The following EDIL3 variants were observed in gnomAD, a reference collection of about 807,000 sequenced individuals.
EDIL3 encodes the protein EGF-like repeat and discoidin I-like domain-containing protein 3.
A neutral mutation model predicts 67.4 loss-of-function variants in EDIL3; 37 were observed. The observed-to-expected ratio is 0.55, with a 90% CI of 0.42 to 0.72. The LOEUF (loss-of-function observed/expected upper bound fraction) is 0.72. Ranked by LOEUF, EDIL3 falls within the 30% of genes least tolerant of loss-of-function variation. EDIL3 has a pLI of 0.00. For missense variants in EDIL3, 527 were observed against 586.3 expected, an observed-to-expected ratio of 0.90 and a Z score of 1.04; for synonymous variants, 195 against 196.3, an observed-to-expected ratio of 0.99 and a Z score of 0.05.
At chr5:83,963,981 T>C (rs1026423969) in intron 9 of EDIL3, among the ~76,000 whole-genome samples, 2 of 151,850 alleles carry the variant, frequency 1.3e-5, no homozygotes, top group Non-Finnish European at 2.9e-5. Context: ...GGAAGGCAAA[T>C]ATTCTTCAAA....
chr5:84,224,988 T>C (rs2112404167), intron 3 of EDIL3, among the ~76,000 whole-genome samples: 1 of 151,686 alleles, frequency 6.6e-6, no homozygotes, highest in South Asian at 2.1e-4. Context: ...GAAATTTCTC[T>C]ATAGTTCATT....
intron 9 of EDIL3, among the ~76,000 whole-genome samples, chr5:83,968,418 G>A (rs935564913): frequency 2.6e-5 from 4 of 151,854 alleles, no homozygotes; most frequent in African/African-American, 9.7e-5. Flanking sequence ...CTTTTTTCAT[G>A]TAATATATTA....
intron 9 of EDIL3, among the ~76,000 whole-genome samples, chr5:83,978,183 G>A (rs187008965): frequency 6.6e-6 from 1 of 151,966 alleles, no homozygotes; most frequent in East Asian, 1.9e-4. Context: ...ATTGTTATTG[G>A]AAATCTGTAA....
chr5:84,064,589 C>T, intron 8 of EDIL3, 111 bp downstream of exon 8: 1 of 1,377,534 alleles, frequency 7.3e-7, no homozygotes, highest in Non-Finnish European at 9.6e-7. Flanking sequence ...CATTTTTCCC[C>T]AGAAAAAAAT....
intron 3 of EDIL3, among the ~76,000 whole-genome samples, chr5:84,190,567 G>A (rs1743560133): frequency 1.6e-5 from 1 of 61,836 alleles, no homozygotes; most frequent in Non-Finnish European, 3.3e-5. Context: ...GTGTGTGTGT[G>A]TGTGTGTGTG....
At chr5:84,152,454 G>A (rs936082947) in intron 4 of EDIL3, among the ~76,000 whole-genome samples, 1 of 152,108 alleles carries the variant, frequency 6.6e-6, no homozygotes, top group Non-Finnish European at 1.5e-5. Context: ...TTAGATAAAT[G>A]GTCCTATTCT....
At chr5:84,206,722 G>T (rs947333273) in intron 3 of EDIL3, among the ~76,000 whole-genome samples, 1 of 151,906 alleles carries the variant, frequency 6.6e-6, no homozygotes, top group Non-Finnish European at 1.5e-5. Flanking sequence ...TTCATCCCTG[G>T]GATGCAAGAC....
chr5:84,078,615 G>C (rs1746906762), intron 6 of EDIL3: 1 of 152,134 alleles, frequency 6.6e-6, no homozygotes, highest in Non-Finnish European at 1.5e-5. Context: ...ATATTAAATG[G>C]CAAGATACCT....
chr5:83,946,642 A>G (rs1001953775), intron 10 of EDIL3, among the ~76,000 whole-genome samples: 2 of 151,884 alleles, frequency 1.3e-5, no homozygotes, highest in Non-Finnish European at 2.9e-5. Context: ...TTATAAGACG[A>G]GCTACCATTC....
At chr5:84,094,315 G>T (rs559503076) in intron 6 of EDIL3, among the ~76,000 whole-genome samples, 33 of 152,188 alleles carry the variant, frequency 2.2e-4, no homozygotes, top group Non-Finnish European at 2.2e-4. Flanking sequence ...ATTAGAAAAA[G>T]AAATATATTA....
chr5:83,947,910 T>G (rs1223297572), intron 10 of EDIL3, among the ~76,000 whole-genome samples: 1 of 151,868 alleles, frequency 6.6e-6, no homozygotes, highest in Non-Finnish European at 1.5e-5. Flanking sequence ...GTTCCTCATG[T>G]TGCATGATTT....
At chr5:84,189,346 G>A (rs1474715785) in intron 3 of EDIL3, among the ~76,000 whole-genome samples, 2 of 151,898 alleles carry the variant, frequency 1.3e-5, no homozygotes, top group African/African-American at 4.8e-5. Context: ...TTAAACTATT[G>A]TTTAGAGTTG....
At chr5:83,981,000 A>G (rs910185990) in intron 9 of EDIL3, among the ~76,000 whole-genome samples, 1 of 152,124 alleles carries the variant, frequency 6.6e-6, no homozygotes, top group African/African-American at 2.4e-5. Context: ...AGGAAGACAA[A>G]TAAATGAAAA....
chr5:84,093,462 C>A (rs1380236289), intron 6 of EDIL3, among the ~76,000 whole-genome samples: 1 of 152,070 alleles, frequency 6.6e-6, no homozygotes, highest in Non-Finnish European at 1.5e-5. Context: ...TCAGGGATTA[C>A]TTCACAGAGA....
intron 1 of EDIL3, among the ~76,000 whole-genome samples, chr5:84,262,059 CAT>C (rs2112085182): frequency 6.6e-6 from 1 of 152,246 alleles, no homozygotes; most frequent in South Asian, 2.1e-4. Context: ...AATCTTTTTG[CAT>C]ATGTTTTAGT....
At chr5:84,222,684 A>T (rs1270974967) in intron 3 of EDIL3, among the ~76,000 whole-genome samples, 1 of 151,724 alleles carries the variant, frequency 6.6e-6, no homozygotes. Context: ...ATATCCTAAC[A>T]TGTGTGAGAT....
At chr5:84,067,100 A>G (rs1326019967) in intron 6 of EDIL3, among the ~76,000 whole-genome samples, 2 of 152,204 alleles carry the variant, frequency 1.3e-5, no homozygotes, top group African/African-American at 4.8e-5. Context: ...GACAAAAATG[A>G]TGTCCAAACC....
chr5:84,265,619 C>A (rs187456219), intron 1 of EDIL3, among the ~76,000 whole-genome samples: 3 of 152,324 alleles, frequency 2.0e-5, no homozygotes, highest in East Asian at 1.9e-4. Flanking sequence ...TCCAAAGAAT[C>A]TCTAAAGTTC....
chr5:84,351,127 A>C (rs1412836278), intron 1 of EDIL3, among the ~76,000 whole-genome samples: 1 of 152,136 alleles, frequency 6.6e-6, no homozygotes, highest in East Asian at 1.9e-4. Context: ...CCTTTAAATT[A>C]GCTTTTTAGG....
Sources: allele counts gnomAD v4.1 joint callset (sites outside exome capture counted in the v4.1 genomes callset), GRCh38; gene constraint gnomAD v4.1.1; transcripts MANE v1.5; gene names NCBI Gene and HGNC (gene_info 2026-07-23, HGNC 2026-07-21).